Variants in BBS4 observed in about 807,000 individuals in gnomAD.
The protein encoded by BBS4 is BBSome complex member BBS4.
BBS4 carries 58 observed loss-of-function variants against 71.4 expected under a neutral mutation model. The ratio of observed to expected loss-of-function variants is 0.81; its 90% confidence interval spans 0.66 to 1.01. The LOEUF (loss-of-function observed/expected upper bound fraction) is 1.01. Among genes scored for constraint, BBS4 ranks in the 50% least tolerant of loss-of-function variants. BBS4 has a pLI of 0.00. For missense variants in BBS4, 660 were observed against 607.9 expected (o/e 1.09, Z -0.90); for synonymous variants, 228 against 216.8 (o/e 1.05, Z -0.46).
intron 12 of BBS4, 101 bp downstream of exon 12, chr15:72,731,827 C>A: frequency 7.2e-7 from 1 of 1,382,234 alleles, no homozygotes; most frequent in Non-Finnish European, 1.0e-6. Flanking sequence ...GGAGCCATTC[C>A]CTTAGAGATC....
intron 2 of BBS4, among the ~76,000 whole-genome samples, chr15:72,705,537 AAC>A (rs1297358154): frequency 6.7e-6 from 1 of 150,318 alleles, no homozygotes; most frequent in Non-Finnish European, 1.5e-5. Flanking sequence ...TTACAAATTG[AAC>A]ACTTTTTTCT....
chr15:72,702,836 C>T (rs1471910017), intron 2 of BBS4, among the ~76,000 whole-genome samples: 1 of 86,924 alleles, frequency 1.2e-5, no homozygotes, highest in Non-Finnish European at 2.2e-5. Context: ...GAGACGGAGT[C>T]TCGCTCTGTC....
intron 1 of BBS4, among the ~76,000 whole-genome samples, chr15:72,690,122 A>G (rs988752881): frequency 3.3e-5 from 5 of 152,108 alleles, no homozygotes; most frequent in African/African-American, 4.8e-5. Flanking sequence ...AATTTTTTTT[A>G]TAATGCCCTG....
intron 8 of BBS4, among the ~76,000 whole-genome samples, chr15:72,725,813 CCCCA>C (rs2065671558): frequency 1.1e-4 from 2 of 18,134 alleles, no homozygotes; most frequent in Non-Finnish European, 2.3e-4. Flanking sequence ...ATCCCCCTTC[CCCCA>C]TCCCCCTTTC....
chr15:72,708,485 C>G (rs1232377615), intron 2 of BBS4, among the ~76,000 whole-genome samples: 1 of 152,124 alleles, frequency 6.6e-6, no homozygotes, highest in Non-Finnish European at 1.5e-5. Context: ...ACCTCAGGGC[C>G]ACTATGATAA....
intron 1 of BBS4, chr15:72,686,614 G>A: frequency 8.5e-6 from 11 of 1,297,908 alleles, no homozygotes; most frequent in Non-Finnish European, 1.1e-5. Context: ...CGTGAATTGG[G>A]AATTTAACAT....
intron 10 of BBS4, among the ~76,000 whole-genome samples, chr15:72,730,886 C>T (rs2065803714): frequency 6.6e-6 from 1 of 151,994 alleles, no homozygotes; most frequent in Non-Finnish European, 1.5e-5. Flanking sequence ...AAGAAATTTA[C>T]CTTAAGTAGC....
At chr15:72,686,447 C>T in intron 1 of BBS4, 196 bp downstream of exon 1, 3 of 1,532,776 alleles carry the variant, frequency 2.0e-6, no homozygotes, top group Non-Finnish European at 2.6e-6. Context: ...CTTAGCAGCA[C>T]AGGTCCTGTT....
chr15:72,717,495 A>G (rs1183411110), intron 6 of BBS4: 5 of 152,370 alleles, frequency 3.3e-5, no homozygotes, highest in Non-Finnish European at 5.9e-5. Context: ...ATCCAGCATC[A>G]TATCTGCATT....
At position 72,686,612 on chromosome 15, in the gene BBS4, G is replaced by A. The variant is rs74964095; in HGVS notation, c.24+361G>A. The stretch of plus-strand genomic sequence containing the variant: ...ACAGTTCCTGTTAATCCCGTGAATT[G>A]GGAATTTAACATGCCTGGAAGCTTG... On this transcript the variant is annotated intron_variant, in intron 1 of 15. Coordinates refer to ENST00000268057, the MANE Select transcript of BBS4 (RefSeq NM_033028.5). 1.3e-5 allele frequency: 17 copies of A among 1,316,026 alleles called. No homozygotes were observed. In the East Asian group the frequency reaches 7.4e-4, roughly 57 times the overall value. 81.5% of individuals were successfully genotyped at this position (1,316,026 alleles called of 1,614,324 possible). A position where few individuals can be genotyped will look rare whatever the true frequency, so the allele number is the denominator to read the frequency against.
chr15:72,702,932 C>T (rs911401725), intron 2 of BBS4, among the ~76,000 whole-genome samples: 7 of 149,588 alleles, frequency 4.7e-5, no homozygotes, highest in Non-Finnish European at 7.4e-5. Flanking sequence ...CTCAGCCTCC[C>T]AAGTAGCTGG....
Position 72,735,159 on chromosome 15 carries a change from C to T in BBS4, c.1083C>T (p.Tyr361=), listed in dbSNP as rs749282837. ...LEDIENAKRA[Y]AEAVHLDKCN... ...ATATAGAAAATGCCAAGAGAGCCTA[C>T]GCAGAAGCAGTCCACCTGGATAAGT... Residue 361 remains tyrosine (Y), a synonymous_variant, in exon 13 of 16, where the codon TAC becomes TAT. Coordinates refer to ENST00000268057, the MANE Select transcript of BBS4 (RefSeq NM_033028.5). The T allele has an allele frequency of 3.2e-5, 51 of 1,613,722 alleles. No individual in the cohort carries two copies. The highest frequency in any genetic ancestry group is 1.8e-4 in the Admixed American group (11 of 60,022).
rs750983167 is a variant in BBS4 at position 72,731,703 on chromosome 15, G to T, written c.1013G>T (p.Gly338Val). The T allele has an allele frequency of 5.0e-6, 8 of 1,614,014 alleles. No individual in the cohort carries two copies. The African/African-American group carries it at 1.1e-4, about 22-fold the overall frequency. ...GCCATCAACTTCCAGCCAAAGATGGGGGAGCTCTACATGCTCTTGGCAGGT... is the reference window on the plus strand; with the variant it reads ...GCCATCAACTTCCAGCCAAAGATGGTGGAGCTCTACATGCTCTTGGCAGGT... ...SAAINFQPKM[G>V]ELYMLLAVAL... The change falls in exon 12 of 16, where the codon GGG becomes GTG. Residue 338 changes from glycine (G) to valine (V), a missense_variant. Gly to Val is a moderately radical substitution (Grantham distance 109). Coordinates refer to ENST00000268057, the MANE Select transcript of BBS4 (RefSeq NM_033028.5).
chr15:72,702,216 T>A (rs1467096386), intron 2 of BBS4, among the ~76,000 whole-genome samples: 1 of 152,158 alleles, frequency 6.6e-6, no homozygotes, highest in African/African-American at 2.4e-5. Context: ...CATTGTAATA[T>A]TAGAAAATCC....
intron 1 of BBS4, 36 bp from the exon 2 acceptor site, chr15:72,695,141 G>A (rs1174427953): frequency 2.0e-6 from 3 of 1,472,348 alleles, no homozygotes; most frequent in South Asian, 2.3e-5. Context: ...AGTTTATATT[G>A]TGGTGCTTCA....
At chr15:72,710,195 GTTTT>G (rs66684005) in intron 3 of BBS4, among the ~76,000 whole-genome samples, 23,532 of 102,958 alleles carry the variant, frequency 0.23, 3,611 homozygotes, top group East Asian at 0.63. Flanking sequence ...ATTTTGTCGA[GTTTT>G]TTTTTTTTTT....
In BBS4 at chr15:72,738,471, C is replaced by T. The variant is rs1229252586; in HGVS notation, c.*884C>T. The T allele has an allele frequency of 3.9e-5, 14 of 363,228 alleles. No individual in the cohort carries two copies. Among genetic ancestry groups the T allele is most frequent in the Non-Finnish European group, 7.4e-5 (14 of 188,886 alleles). The allele number at this position is 363,228 out of a possible 1,614,324, so 22.5% of individuals were successfully genotyped here. ...GATCATAATAAAAACCTAAAAGAAC[C>T]TATGATCACGGTCTTCCCTTACCTG... On this transcript the variant is annotated 3_prime_UTR_variant, in exon 16 of 16. Coordinates refer to ENST00000268057, the MANE Select transcript of BBS4 (RefSeq NM_033028.5).
intron 6 of BBS4, among the ~76,000 whole-genome samples, chr15:72,719,975 T>G (rs970405067): frequency 6.6e-6 from 1 of 151,844 alleles, no homozygotes; most frequent in Non-Finnish European, 1.5e-5. Flanking sequence ...GGTCTCGAGC[T>G]CCTGACGTTG....
At chr15:72,688,028 C>T (rs1595899591) in intron 1 of BBS4, among the ~76,000 whole-genome samples, 1 of 117,050 alleles carries the variant, frequency 8.5e-6, no homozygotes, top group African/African-American at 3.1e-5. Flanking sequence ...GCCTGGGTGA[C>T]AGAGCAAGAC....
Sources: gnomAD v4.1 joint callset for allele counts (sites outside exome capture counted in the v4.1 genomes callset) on GRCh38, gnomAD v4.1.1 for gene constraint, MANE v1.5 for transcripts, NCBI Gene and HGNC (gene_info 2026-07-23, HGNC 2026-07-21) for gene names.